Variants in KAZN observed in about 807,000 individuals in gnomAD.
KAZN encodes kazrin.
A neutral mutation model predicts 87.4 loss-of-function variants in KAZN; 40 were observed. That is an observed-to-expected ratio of 0.46 (90% confidence interval 0.36 to 0.60). KAZN has a LOEUF of 0.60. KAZN is among the 20% of genes least tolerant of loss of function. KAZN has a pLI of 0.00. For synonymous variants in KAZN, 466 were observed against 458.3 expected, an observed-to-expected ratio of 1.02 and a Z score of -0.22; for missense variants, 898 against 1,073.9, an observed-to-expected ratio of 0.84 and a Z score of 2.29.
chr1:14,953,462 C>T (rs893348179), intron 1 of KAZN, among the ~76,000 whole-genome samples: 4 of 152,228 alleles, frequency 2.6e-5, no homozygotes, highest in African/African-American at 9.6e-5. Flanking sequence ...CCCTGTGTGA[C>T]CTTGGCCAAG....
chr1:14,466,365 G>A (rs1033815535), intron 2 of KAZN, among the ~76,000 whole-genome samples: 15 of 151,634 alleles, frequency 9.9e-5, no homozygotes, highest in Admixed American at 9.2e-4. Flanking sequence ...GGAGCTGGAA[G>A]CCATCATCCT....
chr1:14,674,762 A>G (rs1025581337), intron 1 of KAZN, among the ~76,000 whole-genome samples: 7 of 152,098 alleles, frequency 4.6e-5, no homozygotes, highest in African/African-American at 7.2e-5. Context: ...GATGTGCCCA[A>G]TGCAATTTTA....
chr1:14,210,454 A>G (rs1646831376), intron 2 of KAZN, among the ~76,000 whole-genome samples: 1 of 152,200 alleles, frequency 6.6e-6, no homozygotes, highest in Non-Finnish European at 1.5e-5. Context: ...TTACATAGTC[A>G]TCCTGCAGTT....
chr1:14,660,683 G>A (rs1639111802), intron 1 of KAZN, among the ~76,000 whole-genome samples: 1 of 151,028 alleles, frequency 6.6e-6, no homozygotes, highest in Non-Finnish European at 1.5e-5. Context: ...GTGTGGTTTG[G>A]TACCTAACTG....
At chr1:14,067,605 G>A (rs1455556234) in intron 1 of KAZN, among the ~76,000 whole-genome samples, 1 of 151,838 alleles carries the variant, frequency 6.6e-6, no homozygotes, top group East Asian at 1.9e-4. Context: ...TTGTTAAGTG[G>A]TATTTGCTTC....
chr1:14,177,794 G>GTGTGTGGT (rs1450483087), intron 1 of KAZN, among the ~76,000 whole-genome samples: 47 of 140,080 alleles, frequency 3.4e-4, no homozygotes, highest in African/African-American at 1.2e-3. Context: ...GTGTGTGTGT[G>GTGTGTGGT]TTTTTTTTTT....
At chr1:14,329,668 C>T (rs910132864) in intron 2 of KAZN, among the ~76,000 whole-genome samples, 21 of 152,156 alleles carry the variant, frequency 1.4e-4, no homozygotes, top group African/African-American at 4.1e-4. Flanking sequence ...AAAACAATAA[C>T]CAGACAGACC....
chr1:14,654,183 A>G (rs1316659694), intron 1 of KAZN, among the ~76,000 whole-genome samples: 5 of 150,098 alleles, frequency 3.3e-5, no homozygotes, highest in Non-Finnish European at 3.0e-5. Flanking sequence ...GCTACTCAGG[A>G]GGCGGAGGCA....
intron 1 of KAZN, among the ~76,000 whole-genome samples, chr1:14,684,034 G>C (rs924734033): frequency 1.3e-5 from 2 of 152,146 alleles, no homozygotes; most frequent in African/African-American, 4.8e-5. Flanking sequence ...TTCTAGAATA[G>C]AATTAGGGAG....
chr1:14,410,289 A>G (rs1664202993), intron 2 of KAZN, among the ~76,000 whole-genome samples: 1 of 152,158 alleles, frequency 6.6e-6, no homozygotes, highest in Non-Finnish European at 1.5e-5. Context: ...TTTTTAGTAG[A>G]GACAGTTTCA....
In KAZN at chr1:14,240,928, G is replaced by A. The variant is rs147770642; in HGVS notation, c.249+60336G>A. Among the ~76,000 whole-genome samples, 426 of 152,280 alleles carry A rather than the reference G, an allele frequency of 2.8e-3. 3 individuals are homozygous for A. The highest frequency in any genetic ancestry group is 9.9e-3 in the African/African-American group (410 of 41,558). On this transcript the variant is annotated intron_variant, in intron 2 of 16. Transcript: ENST00000636203. ...TTTAAATACCCACCCCACCGAACTG[G>A]GGTTGTGACCTTCAGCAAGATTGTG...
At chr1:14,471,886 A>C (rs1156772259) in intron 2 of KAZN, among the ~76,000 whole-genome samples, 1 of 152,228 alleles carries the variant, frequency 6.6e-6, no homozygotes, top group Non-Finnish European at 1.5e-5. Context: ...CATGTTACAG[A>C]GTCTCAGAAG....
intron 2 of KAZN, among the ~76,000 whole-genome samples, chr1:14,298,372 T>C (rs2100770144): frequency 6.6e-6 from 1 of 152,338 alleles, no homozygotes; most frequent in African/African-American, 2.4e-5. Flanking sequence ...TCTTCTTTCA[T>C]GATGAAACTC....
At chr1:14,767,663 A>G (rs982293305) in intron 1 of KAZN, among the ~76,000 whole-genome samples, 11 of 152,312 alleles carry the variant, frequency 7.2e-5, no homozygotes, top group African/African-American at 2.6e-4. Flanking sequence ...ACACCATAGG[A>G]AAGACCTCTA....
intron 2 of KAZN, among the ~76,000 whole-genome samples, chr1:14,548,587 G>A (rs1400715352): frequency 6.6e-6 from 1 of 152,132 alleles, no homozygotes; most frequent in African/African-American, 2.4e-5. Flanking sequence ...TATATAAGCA[G>A]AATAATATTG....
intron 1 of KAZN, among the ~76,000 whole-genome samples, chr1:14,030,368 G>A (rs1294672674): frequency 1.4e-5 from 2 of 147,760 alleles, no homozygotes; most frequent in Admixed American, 1.4e-4. Context: ...CTCATAGGTG[G>A]GAATTGAACA....
In KAZN at chr1:14,725,328, C is replaced by T. The variant is rs79694884; in HGVS notation, c.226+126105C>T. Among the ~76,000 whole-genome samples the T allele has an allele frequency of 6.9e-3, 1,057 of 152,310 alleles. 12 individuals are homozygous for T. Among genetic ancestry groups the T allele is most frequent in the Middle Eastern group, 0.034 (10 of 294 alleles). On this transcript the variant is annotated intron_variant, in intron 1 of 14. Transcript: ENST00000376030. ...GCCTACCTGGGACCCCCTCCTTAGGCTCCTGGTGGCATTCTCTACCTCTCC... is the reference window on the plus strand; with the variant it reads ...GCCTACCTGGGACCCCCTCCTTAGGTTCCTGGTGGCATTCTCTACCTCTCC...
intron 2 of KAZN, among the ~76,000 whole-genome samples, chr1:14,215,001 T>C (rs1646930769): frequency 6.6e-6 from 1 of 152,266 alleles, no homozygotes; most frequent in South Asian, 2.1e-4. Context: ...AGCTTTAGGC[T>C]ATGCAACATT....
intron 8 of KAZN, among the ~76,000 whole-genome samples, chr1:15,080,583 T>C (rs1639950430): frequency 6.6e-6 from 1 of 152,228 alleles, no homozygotes; most frequent in Admixed American, 6.5e-5. Flanking sequence ...TTCATGGGGC[T>C]TGTGACTGAG....
Sources: gnomAD v4.1 joint callset for allele counts (sites outside exome capture counted in the v4.1 genomes callset) on GRCh38, gnomAD v4.1.1 for gene constraint, MANE v1.5 for transcripts, NCBI Gene and HGNC (gene_info 2026-07-23, HGNC 2026-07-21) for gene names.